MCPH1: variants seen among roughly 807,000 people sequenced by gnomAD.
MCPH1 encodes microcephalin 1, also known as microcephalin.
In MCPH1, 104 loss-of-function variants were observed where a neutral mutation model predicts 84.5. The ratio of observed to expected loss-of-function variants is 1.23; its 90% CI spans 1.05 to 1.45. MCPH1 has a LOEUF of 1.45. MCPH1 is among the 40% of genes most tolerant of loss of function. MCPH1 has a pLI of 0.00. For synonymous variants in MCPH1, 514 were observed against 366.8 expected, an observed-to-expected ratio of 1.40 and a Z score of -4.58; for missense variants, 1,498 against 1,005.7, an observed-to-expected ratio of 1.49 and a Z score of -6.62.
At chr8:6,527,452 A>G (rs1818540667) in intron 12 of MCPH1, 1 of 1,421,846 alleles carries the variant, frequency 7.0e-7, no homozygotes, top group Non-Finnish European at 9.6e-7. Context: ...CTTACACTAG[A>G]CATGAAGAAA....
At chr8:6,491,275 G>C (rs1287123710) in intron 11 of MCPH1, among the ~76,000 whole-genome samples, 1 of 151,012 alleles carries the variant, frequency 6.6e-6, no homozygotes, top group East Asian at 1.9e-4. Flanking sequence ...GCTTTGCAAT[G>C]TTTGGTGAAT....
intron 6 of MCPH1, among the ~76,000 whole-genome samples, chr8:6,441,414 T>G (rs1301811817): frequency 6.6e-6 from 1 of 152,226 alleles, no homozygotes; most frequent in Non-Finnish European, 1.5e-5. Flanking sequence ...TTGCTGAAGT[T>G]TTCTCAGAAA....
At chr8:6,420,767 C>T (rs1012709441) in intron 3 of MCPH1, among the ~76,000 whole-genome samples, 3 of 152,018 alleles carry the variant, frequency 2.0e-5, no homozygotes, top group Admixed American at 1.3e-4. Flanking sequence ...AAATGTAACC[C>T]CTTTTGTTAC....
chr8:6,437,797 A>C (rs1802891195), intron 5 of MCPH1, among the ~76,000 whole-genome samples: 1 of 152,012 alleles, frequency 6.6e-6, no homozygotes, highest in African/African-American at 2.4e-5. Flanking sequence ...CCTGCTTCTG[A>C]AATAGTTGTT....
At chr8:6,503,051 T>C in intron 12 of MCPH1, 4 of 1,607,698 alleles carry the variant, frequency 2.5e-6, no homozygotes, top group African/African-American at 1.3e-5. Flanking sequence ...TGCACTGGGC[T>C]TAAGTCTTTG....
chr8:6,493,862 G>C (rs1273150509), intron 11 of MCPH1, among the ~76,000 whole-genome samples: 1 of 152,188 alleles, frequency 6.6e-6, no homozygotes, highest in South Asian at 2.1e-4. Flanking sequence ...TGTTAGTCAA[G>C]ACAGTAATCC....
intron 12 of MCPH1, among the ~76,000 whole-genome samples, chr8:6,525,517 A>C (rs969046144): frequency 2.6e-5 from 4 of 152,252 alleles, no homozygotes; most frequent in African/African-American, 7.2e-5. Context: ...GGCATGAGCC[A>C]CTGTGCCTGG....
At chr8:6,616,455 G>C (rs983643322) in intron 12 of MCPH1, 2 of 152,226 alleles carry the variant, frequency 1.3e-5, no homozygotes, top group African/African-American at 4.8e-5. Flanking sequence ...AACTGACTTG[G>C]AGGTAAATAG....
chr8:6,604,693 C>T (rs1273707256), intron 12 of MCPH1, among the ~76,000 whole-genome samples: 2 of 152,212 alleles, frequency 1.3e-5, no homozygotes, highest in Non-Finnish European at 2.9e-5. Flanking sequence ...GTAGTAGAGA[C>T]AGGGTTTCAC....
chr8:6,542,345 T>G (rs35742902), intron 12 of MCPH1, among the ~76,000 whole-genome samples: 84,974 of 151,790 alleles, frequency 0.56, 24,228 homozygotes, highest in Middle Eastern at 0.66. Context: ...TGTGTGTGTT[T>G]CAGTTCTCTA....
At chr8:6,487,588 G>GT (rs1008080897) in intron 11 of MCPH1, among the ~76,000 whole-genome samples, 14 of 152,200 alleles carry the variant, frequency 9.2e-5, no homozygotes, top group African/African-American at 3.4e-4. Context: ...CATAACTCAT[G>GT]TTAGGAAGAA....
Position 6,626,770 on chromosome 8 carries a change from G to T in MCPH1, c.2452+5079G>T, listed in dbSNP as rs1011484698. 1.6e-5 allele frequency: 16 copies of T among 985,164 alleles called. No individual in the cohort carries two copies. In the Admixed American group the frequency reaches 2.5e-4, roughly 15 times the overall value. 61.0% of individuals were successfully genotyped at this position (985,164 alleles called of 1,614,324 possible). Reference sequence around the variant, plus strand: ...GCCCTTGGGTGGAGCTCTGAGCCCTGGCGCGGTCCTCAAGGGTCTGCGACA... The same window carrying T: ...GCCCTTGGGTGGAGCTCTGAGCCCTTGCGCGGTCCTCAAGGGTCTGCGACA... On this transcript the variant is annotated intron_variant, in intron 13 of 13. Coordinates refer to ENST00000344683, the MANE Select transcript of MCPH1 (RefSeq NM_024596.5).
chr8:6,592,596 AGG>A (rs1279215408), intron 12 of MCPH1, among the ~76,000 whole-genome samples: 1 of 141,638 alleles, frequency 7.1e-6, no homozygotes, highest in African/African-American at 2.6e-5. Context: ...AAAGTCATCT[AGG>A]CTCTCGTTTT....
intron 12 of MCPH1, among the ~76,000 whole-genome samples, chr8:6,536,421 T>C (rs946343774): frequency 1.2e-4 from 19 of 152,014 alleles, no homozygotes; most frequent in African/African-American, 4.4e-4. Context: ...CAAAGTGATA[T>C]ATCTCAAAAT....
At chr8:6,483,794 A>G (rs546323333) in intron 11 of MCPH1, among the ~76,000 whole-genome samples, 1 of 152,280 alleles carries the variant, frequency 6.6e-6, no homozygotes, top group South Asian at 2.1e-4. Flanking sequence ...GGTGAGATGG[A>G]GGTTGCAAAG....
At chr8:6,497,324 A>AC (rs1811348798) in intron 11 of MCPH1, among the ~76,000 whole-genome samples, 1 of 149,704 alleles carries the variant, frequency 6.7e-6, no homozygotes, top group Non-Finnish European at 1.5e-5. Flanking sequence ...TCTACCAAAA[A>AC]AAAACAAAAA....
At chr8:6,422,355 T>A (rs1800333924) in intron 3 of MCPH1, among the ~76,000 whole-genome samples, 1 of 152,200 alleles carries the variant, frequency 6.6e-6, no homozygotes, top group South Asian at 2.1e-4. Flanking sequence ...AAAACTACAT[T>A]TTAAAAGTCG....
chr8:6,463,862 C>T (rs1806551299), intron 9 of MCPH1, among the ~76,000 whole-genome samples: 1 of 152,198 alleles, frequency 6.6e-6, no homozygotes, highest in African/African-American at 2.4e-5. Flanking sequence ...AATGCCAGGC[C>T]TTTGGCTGTT....
chr8:6,609,828 C>CCCCCCGCA (rs1475345162), intron 12 of MCPH1, among the ~76,000 whole-genome samples: 1 of 108,744 alleles, frequency 9.2e-6, no homozygotes, highest in Non-Finnish European at 2.2e-5. Context: ...CGCCCCCCCC[C>CCCCCCGCA]CACACACAGA....
Sources: allele counts gnomAD v4.1 joint callset (sites outside exome capture counted in the v4.1 genomes callset), GRCh38; gene constraint gnomAD v4.1.1; transcripts MANE v1.5; gene names NCBI Gene and HGNC (gene_info 2026-07-23, HGNC 2026-07-21).